Variants in INPP1 observed in about 807,000 individuals in gnomAD.
INPP1 encodes inositol polyphosphate 1-phosphatase.
INPP1 carries 18 observed loss-of-function variants against 23.0 expected under a neutral mutation model. That is an observed-to-expected ratio of 0.78 (90% CI 0.54 to 1.16). The LOEUF is 1.16. Among genes scored for constraint, INPP1 ranks in the 50% most tolerant of loss-of-function variants. INPP1 has a pLI of 0.00. For synonymous variants in INPP1, 164 were observed against 176.3 expected, an observed-to-expected ratio of 0.93 and a Z score of 0.55; for missense variants, 448 against 482.1, an observed-to-expected ratio of 0.93 and a Z score of 0.66.
At position 190,366,842 on chromosome 2, in the gene INPP1, C is replaced by T; in HGVS notation, c.413C>T (p.Ser138Phe). ...DVAFTDPTLDSTEINVPQDIL... is the reference protein window; with the variant it reads ...DVAFTDPTLDFTEINVPQDIL... ...GCCTTTACTGACCCAACTCTGGATT[C>T]CACAGAGATCAATGTTCCACAGGAC... Residue 138 changes from serine to phenylalanine, a missense_variant, in exon 5 of 7, where the codon TCC (serine) becomes TTC (phenylalanine). Ser to Phe is a radical substitution (Grantham distance 155). Transcript: ENST00000392329. 1 of 1,613,966 alleles carries T rather than the reference C, an allele frequency of 6.2e-7. No homozygotes were observed. The highest frequency in any genetic ancestry group is 8.5e-7 in the Non-Finnish European group (1 of 1,179,822).
intron 4 of INPP1, among the ~76,000 whole-genome samples, chr2:190,366,050 GCT>G (rs575140325): frequency 0.015 from 864 of 58,210 alleles, 4 homozygotes; most frequent in Admixed American, 0.026. Flanking sequence ...TCACTCTTTT[GCT>G]CTCTCTGTCT....
intron 4 of INPP1, chr2:190,365,020 G>C (rs186322858): frequency 6.1e-6 from 1 of 164,830 alleles, no homozygotes; most frequent in South Asian, 2.0e-4. Context: ...TATCTAAAAC[G>C]TTCCAAAGTG....
rs975601247 is a variant in INPP1 at position 190,352,438 on chromosome 2, C to T, written c.-65+3407C>T. 6.6e-6 allele frequency among the ~76,000 whole-genome samples: 1 copy of T among 152,206 alleles called. No individual in the cohort carries two copies. The highest frequency in any genetic ancestry group is 6.5e-5 in the Admixed American group (1 of 15,274). ...CTGAAAGTTGAACATGGCTTATACA[C>T]TGGGAAAACAATTTAGTTTTCAATG... On this transcript the variant is annotated intron_variant, in intron 2 of 6. Coordinates refer to ENST00000392329, the MANE Select transcript of INPP1 (RefSeq NM_001128928.2). This position sits in a 1 kb window ranked among gnomAD's most constrained non-coding sequence, Gnocchi z 4.7.
At chr2:190,358,513 T>C (rs189020340) in intron 2 of INPP1, among the ~76,000 whole-genome samples, 150 of 152,322 alleles carry the variant, frequency 9.8e-4, no homozygotes, top group African/African-American at 3.5e-3. Flanking sequence ...CCACCATACC[T>C]GGCCTATTAA....
Position 190,356,130 on chromosome 2 carries a change from G to T in INPP1, c.-64-3909G>T, listed in dbSNP as rs1320078754. On this transcript the variant is annotated intron_variant, in intron 2 of 6. Coordinates refer to ENST00000392329, the MANE Select transcript of INPP1 (RefSeq NM_001128928.2). The surrounding 1 kb of genome is among the most constrained non-coding windows in gnomAD (Gnocchi z 6.4). ...CTTCAGGTTTGTGGCCTGCCTGTGT[G>T]AACTGAGTTGAGGATACATGGAGAG... 2.0e-5 allele frequency among the ~76,000 whole-genome samples: 3 copies of T among 152,216 alleles called. No homozygotes were observed. Among genetic ancestry groups the T allele is most frequent in the Non-Finnish European group, 2.9e-5 (2 of 68,034 alleles).
chr2:190,344,716 T>C (rs760527637), intron 1 of INPP1, among the ~76,000 whole-genome samples: 1 of 152,236 alleles, frequency 6.6e-6, no homozygotes, highest in East Asian at 1.9e-4. Context: ...AAAACACTTA[T>C]AAGAAACCAC....
intron 2 of INPP1, among the ~76,000 whole-genome samples, chr2:190,353,694 C>T (rs1689365647): frequency 6.6e-6 from 1 of 152,124 alleles, no homozygotes; most frequent in South Asian, 2.1e-4. Context: ...TAAGAAAATA[C>T]CTGATGCCAC....
chr2:190,358,006 T>C, intron 2 of INPP1, among the ~76,000 whole-genome samples: 1 of 152,046 alleles, frequency 6.6e-6, no homozygotes, highest in South Asian at 2.1e-4. Flanking sequence ...AATTACATCT[T>C]ACTCCCATTG....
At chr2:190,351,010 T>G (rs1250571846) in intron 2 of INPP1, among the ~76,000 whole-genome samples, 1 of 152,244 alleles carries the variant, frequency 6.6e-6, no homozygotes, top group Admixed American at 6.5e-5. Flanking sequence ...CTAATGCTGA[T>G]AAAATCCAAG....
chr2:190,348,757 ATT>A, intron 1 of INPP1, 129 bp from the exon 2 acceptor site: 1 of 152,342 alleles, frequency 6.6e-6, no homozygotes, highest in East Asian at 1.9e-4. Flanking sequence ...TCCCAATCTC[ATT>A]TATATGAGAA....
At chr2:190,366,933 C>G in intron 5 of INPP1, 38 bp downstream of exon 5, 1 of 1,415,684 alleles carries the variant, frequency 7.1e-7, no homozygotes, top group South Asian at 1.2e-5. Flanking sequence ...TATTTGCAAT[C>G]TTTTTTTTGG....
chr2:190,364,190 A>G (rs920222441), intron 4 of INPP1, among the ~76,000 whole-genome samples: 1 of 152,156 alleles, frequency 6.6e-6, no homozygotes, highest in African/African-American at 2.4e-5. Flanking sequence ...TAATAGATGT[A>G]TATTGTGCTT....
At chr2:190,349,735 C>T (rs373795193) in intron 2 of INPP1, among the ~76,000 whole-genome samples, 10 of 65,002 alleles carry the variant, frequency 1.5e-4, no homozygotes, top group African/African-American at 5.6e-4. Flanking sequence ...AGTTGGAACA[C>T]AGCAGAAAAA....
chr2:190,354,681 ATTG>A lies in INPP1; in HGVS notation c.-64-5355_-64-5353del. ...CAGAACTGTGAGAAAGTGCGATTTTATTGTTAAGCTACCCAGTCTTAACAAACT... is the reference window on the plus strand; with the variant it reads ...CAGAACTGTGAGAAAGTGCGATTTTATTAAGCTACCCAGTCTTAACAAACT... On this transcript the variant is annotated intron_variant, in intron 2 of 6. Transcript: ENST00000392329. The surrounding 1 kb of genome is among the most constrained non-coding windows in gnomAD (Gnocchi z 4.8). Among the ~76,000 whole-genome samples, 1 of 152,294 alleles carries A rather than the reference ATTG, an allele frequency of 6.6e-6. No homozygotes were observed. Among genetic ancestry groups the A allele is most frequent in the South Asian group, 2.1e-4 (1 of 4,824 alleles).
At chr2:190,344,802 G>A (rs535513996) in intron 1 of INPP1, among the ~76,000 whole-genome samples, 144 of 152,318 alleles carry the variant, frequency 9.5e-4, no homozygotes, top group Middle Eastern at 3.4e-3. Context: ...CCCACTGTAT[G>A]ATGGTGTTCA....
rs1689567058 is a variant in INPP1 at position 190,363,139 on chromosome 2, A to T, written c.265+452A>T. The T allele has an allele frequency of 6.5e-6, 1 of 153,070 alleles. No individual in the cohort carries two copies. Among genetic ancestry groups the T allele is most frequent in the Admixed American group, 6.5e-5 (1 of 15,306 alleles). The allele number at this position is 153,070 out of a possible 1,614,324, so 9.5% of individuals were successfully genotyped here. A position where few individuals can be genotyped will look rare whatever the true frequency, so the allele number is the denominator to read the frequency against. ...GGCCATGGTTCTGAAATACTGTGTG[A>T]TCTTGAGCAAATTAACTCATCATTT... is the stretch of plus-strand genomic sequence containing the variant. On this transcript the variant is annotated intron_variant, in intron 4 of 6. Transcript: ENST00000392329. The surrounding 1 kb of genome is among the most constrained non-coding windows in gnomAD (Gnocchi z 4.4).
In INPP1 at chr2:190,360,015, T is replaced by C. The variant is rs1388904886; in HGVS notation, c.-64-24T>C. The C allele has an allele frequency of 5.1e-6, 7 of 1,375,362 alleles. No individual in the cohort carries two copies. In the East Asian group the frequency reaches 1.6e-4, roughly 32 times the overall value. 85.2% of individuals were successfully genotyped at this position (1,375,362 alleles called of 1,614,324 possible). On this transcript the variant is annotated intron_variant, in intron 2 of 6. Transcript: ENST00000392329. ...ACATCACTCTCTGAACTGCTTTCTC[T>C]TTCACATTCTTGTATTTTTCCAGCT...
At chr2:190,365,718 TG>T (rs1689631552) in intron 4 of INPP1, among the ~76,000 whole-genome samples, 1 of 152,258 alleles carries the variant, frequency 6.6e-6, no homozygotes, top group Non-Finnish European at 1.5e-5. Context: ...TAGGAACTGC[TG>T]GGATGGATAT....
At chr2:190,358,072 A>ATTTTTTTTTTTTT (rs749071988) in intron 2 of INPP1, among the ~76,000 whole-genome samples, 1 of 111,400 alleles carries the variant, frequency 9.0e-6, no homozygotes. Context: ...CATTAAGGGA[A>ATTTTTTTTTTTTT]TTTTTTTTTT....
Sources: gnomAD v4.1 joint callset for allele counts (sites outside exome capture counted in the v4.1 genomes callset) on GRCh38, gnomAD v4.1.1 for gene constraint, Gnocchi (gnomAD v3.1) non-coding constraint, MANE v1.5 for transcripts, NCBI Gene and HGNC (gene_info 2026-07-23, HGNC 2026-07-21) for gene names.